HEPHL1: variants seen among roughly 807,000 people sequenced by gnomAD.
The protein encoded by HEPHL1 is ferroxidase HEPHL1.
HEPHL1 carries 123 observed loss-of-function variants against 122.0 expected under a neutral mutation model. That is an observed-to-expected ratio of 1.01 (90% confidence interval 0.87 to 1.17). HEPHL1 has a LOEUF of 1.17. HEPHL1 is among the 50% of genes most tolerant of loss of function. The pLI is 0.00. For synonymous variants in HEPHL1, 527 were observed against 508.9 expected (o/e 1.04, Z -0.48); for missense variants, 1,452 against 1,430.5 (o/e 1.01, Z -0.24).
chr11:94,105,794 G>A (rs143570579), intron 16 of HEPHL1, among the ~76,000 whole-genome samples, 197 bp from the exon 17 acceptor site: 4 of 151,960 alleles, frequency 2.6e-5, no homozygotes, highest in Non-Finnish European at 5.9e-5. Context: ...CTCTGTTCTC[G>A]CTCTCTTTGT....
At chr11:94,047,653 C>A (rs1324141394) in intron 2 of HEPHL1, among the ~76,000 whole-genome samples, 3 of 152,032 alleles carry the variant, frequency 2.0e-5, no homozygotes, top group Admixed American at 2.0e-4. Context: ...TTATGCTGCA[C>A]GTAGCAAGTA....
In HEPHL1 at chr11:94,113,523, C is replaced by G. The variant is rs1357807756; in HGVS notation, c.*1629C>G. ...TACACAAAAGATTTTGAATTTCAAT[C>G]TGCTAACCATTGACAATGTGATTTC... On this transcript the variant is annotated 3_prime_UTR_variant, in exon 20 of 20. Transcript: ENST00000315765. The G allele has an allele frequency of 6.6e-6, 1 of 152,218 alleles. No homozygotes were observed. The highest frequency in any genetic ancestry group is 1.9e-4 in the East Asian group (1 of 5,202). The allele number at this position is 152,218 out of a possible 1,614,324, so 9.4% of individuals were successfully genotyped here.
At chr11:94,078,799 G>A (rs1349714669) in intron 9 of HEPHL1, among the ~76,000 whole-genome samples, 9 of 152,052 alleles carry the variant, frequency 5.9e-5, no homozygotes, top group Middle Eastern at 3.4e-3. Context: ...CACTCATGTC[G>A]GGAAGTACAA....
At position 94,106,112 on chromosome 11, in the gene HEPHL1, TGA is replaced by T. The variant is rs1373963708; in HGVS notation, c.3031_3032del (p.Ser1011LeufsTer7). On this transcript the variant is annotated frameshift_variant, in exon 17 of 20. Coordinates refer to ENST00000315765, the MANE Select transcript of HEPHL1 (RefSeq NM_001098672.2). LOFTEE classifies it high-confidence loss of function. ...VDIHTIHYHAESFLFKIDKSY... is the reference protein window; with the variant it reads ...VDIHTIHYHAXSFLFKIDKSY... ...ACATACATACCATCCATTATCATGC[TGA>T]GAGCTTTCTTTTCAAAGTAAGTATA... The T allele has an allele frequency of 6.4e-7, 1 of 1,565,666 alleles. No homozygotes were observed. Among genetic ancestry groups the T allele is most frequent in the Non-Finnish European group, 8.7e-7 (1 of 1,149,466 alleles).
Position 94,075,242 on chromosome 11 carries a change from A to G in HEPHL1, c.1573A>G (p.Ser525Gly). The G allele has an allele frequency of 1.2e-6, 2 of 1,613,506 alleles. No homozygotes were observed. Among genetic ancestry groups the G allele is most frequent in the Non-Finnish European group, 1.7e-6 (2 of 1,179,628 alleles). ...CACATACAAGTGGACAGTGCCTGAG[A>G]GCGTAAGCCCAACTGCTGGTGATCC... is the stretch of plus-strand genomic sequence containing the variant. ...TFTYKWTVPE[S>G]VSPTAGDPPC... is the part of the protein sequence containing the mutation. Residue 525 changes from serine to glycine, a missense_variant, in exon 9 of 20, where the codon AGC becomes GGC. Ser to Gly is a moderately conservative substitution (Grantham distance 56). Coordinates refer to ENST00000315765, the MANE Select transcript of HEPHL1 (RefSeq NM_001098672.2).
chr11:94,095,026 T>C (rs1373579074), intron 13 of HEPHL1, among the ~76,000 whole-genome samples: 2 of 152,328 alleles, frequency 1.3e-5, no homozygotes, highest in African/African-American at 4.8e-5. Flanking sequence ...AATTTTGGCT[T>C]TTGTTGCCAT....
Position 94,093,722 on chromosome 11 carries a change from G to A in HEPHL1, c.2434+82G>A. On this transcript the variant is annotated intron_variant, in intron 13 of 19. Coordinates refer to ENST00000315765, the MANE Select transcript of HEPHL1 (RefSeq NM_001098672.2). ...ACTCATGTGTTCTGTTACACTTGTG[G>A]CTAAGAAAGGATAGAAGAAACAGAG... 3 of 1,463,416 alleles carry A rather than the reference G, an allele frequency of 2.0e-6. No homozygotes were observed. In the South Asian group the frequency reaches 4.0e-5, roughly 19 times the overall value. The allele number at this position is 1,463,416 out of a possible 1,614,324, so 90.7% of individuals were successfully genotyped here.
intron 10 of HEPHL1, among the ~76,000 whole-genome samples, 177 bp from the exon 11 acceptor site, chr11:94,085,800 A>G (rs1233731793): frequency 6.6e-6 from 1 of 152,046 alleles, no homozygotes; most frequent in Non-Finnish European, 1.5e-5. Context: ...ATTTCCTTAT[A>G]TTTTCATTAT....
At chr11:94,085,855 GC>G in intron 10 of HEPHL1, 121 bp from the exon 11 acceptor site, 6 of 665,076 alleles carry the variant, frequency 9.0e-6, no homozygotes, top group Non-Finnish European at 1.3e-5. Flanking sequence ...TCACCATGTG[GC>G]TTTTCCCTGG....
Position 94,084,556 on chromosome 11 carries a change from T to C in HEPHL1, c.1868-1421T>C, listed in dbSNP as rs1001985194. On this transcript the variant is annotated intron_variant, in intron 10 of 19. Coordinates refer to ENST00000315765, the MANE Select transcript of HEPHL1 (RefSeq NM_001098672.2). ...CTGACATGGTGCACAATGCTTTGTG[T>C]TGTGTTTATTATATAGTCTGTATTC... Among the ~76,000 whole-genome samples, 36 of 152,120 alleles carry C rather than the reference T, an allele frequency of 2.4e-4. 1 individual carries two copies. The highest frequency in any genetic ancestry group is 5.9e-5 in the Non-Finnish European group (4 of 67,996).
chr11:94,075,282 A>G lies in HEPHL1; in HGVS notation c.1613A>G (p.Tyr538Cys). ...PTAGDPPCLT[Y>C]LYFSAVDPIK... is the part of the protein sequence containing the mutation. ...GCTGGTGATCCTCCCTGTCTGACCT[A>G]TCTTTACTTCTCAGCAGTTGATCCA... The change falls in exon 9 of 20, where the codon TAT becomes TGT. Residue 538 changes from tyrosine to cysteine, a missense_variant. Coordinates refer to ENST00000315765, the MANE Select transcript of HEPHL1 (RefSeq NM_001098672.2). 4 of 1,613,520 alleles carry G rather than the reference A, an allele frequency of 2.5e-6. No homozygotes were observed. The highest frequency in any genetic ancestry group is 1.7e-4 in the Middle Eastern group (1 of 6,060).
chr11:94,070,720 A>G (rs1421075444), intron 6 of HEPHL1, among the ~76,000 whole-genome samples, 178 bp downstream of exon 6: 1 of 152,138 alleles, frequency 6.6e-6, no homozygotes, highest in Non-Finnish European at 1.5e-5. Flanking sequence ...GAACTGGTAG[A>G]ATATTTTTTG....
intron 5 of HEPHL1, among the ~76,000 whole-genome samples, chr11:94,068,060 A>G (rs1039742966): frequency 6.6e-6 from 1 of 152,228 alleles, no homozygotes. Context: ...GCAGAATGAG[A>G]TAAATGCTCT....
At chr11:94,099,728 C>G (rs998695070) in intron 13 of HEPHL1, among the ~76,000 whole-genome samples, 2 of 152,180 alleles carry the variant, frequency 1.3e-5, no homozygotes, top group African/African-American at 2.4e-5. Context: ...GCCCCTCCCC[C>G]AGCCTCACTG....
chr11:94,083,528 C>T (rs764797654), intron 10 of HEPHL1, among the ~76,000 whole-genome samples: 1 of 152,182 alleles, frequency 6.6e-6, no homozygotes, highest in Non-Finnish European at 1.5e-5. Context: ...AAGCAAGTAA[C>T]GTAAGACAAC....
chr11:94,101,579 G>A (rs1946367570), intron 14 of HEPHL1, among the ~76,000 whole-genome samples: 1 of 152,130 alleles, frequency 6.6e-6, no homozygotes, highest in South Asian at 2.1e-4. Flanking sequence ...TACATTTGTT[G>A]TAATTGATGA....
At chr11:94,030,127 A>G (rs187214928) in intron 1 of HEPHL1, among the ~76,000 whole-genome samples, 1 of 152,244 alleles carries the variant, frequency 6.6e-6, no homozygotes, top group Admixed American at 6.5e-5. Flanking sequence ...CCTATGAATA[A>G]TAGTTTTGTA....
At position 94,100,205 on chromosome 11, in the gene HEPHL1, G is replaced by A. The variant is rs144201674; in HGVS notation, c.2435-990G>A. On this transcript the variant is annotated intron_variant, in intron 13 of 19. Coordinates refer to ENST00000315765, the MANE Select transcript of HEPHL1 (RefSeq NM_001098672.2). Reference sequence around the variant, plus strand: ...TGAGAGAAAATTGAAAATAATAACCGTCCAACAAATTTTAGATTTATATAT... The same window carrying A: ...TGAGAGAAAATTGAAAATAATAACCATCCAACAAATTTTAGATTTATATAT... 2.2e-4 allele frequency among the ~76,000 whole-genome samples: 33 copies of A among 152,158 alleles called. No individual in the cohort carries two copies. In the East Asian group the frequency reaches 4.8e-3, roughly 22 times the overall value.
chr11:94,100,532 G>A (rs1350029929), intron 13 of HEPHL1, among the ~76,000 whole-genome samples: 1 of 152,184 alleles, frequency 6.6e-6, no homozygotes, highest in Non-Finnish European at 1.5e-5. Context: ...GTCTCCTTGG[G>A]TAAACAAATA....
Sources: gnomAD v4.1 joint callset for allele counts (sites outside exome capture counted in the v4.1 genomes callset) on GRCh38, gnomAD v4.1.1 for gene constraint, MANE v1.5 for transcripts, NCBI Gene and HGNC (gene_info 2026-07-23, HGNC 2026-07-21) for gene names.